Variants in AGBL3 observed in about 807,000 individuals in gnomAD.
The protein encoded by AGBL3 is cytosolic carboxypeptidase 3.
In AGBL3, 68 loss-of-function variants were observed where a neutral mutation model predicts 94.5. That is an observed-to-expected ratio of 0.72 (90% CI 0.59 to 0.88). The LOEUF is 0.88. AGBL3 is among the 40% of genes least tolerant of loss of function. The pLI is 0.00. For synonymous variants in AGBL3, 354 were observed against 370.7 expected (o/e 0.95, Z 0.52); for missense variants, 934 against 1,103.8 (o/e 0.85, Z 2.18).
rs531981981 is a variant in AGBL3, at chr7:135,070,718, A to T, written c.1909-5679A>T. ...TCTCAATAAATTAGGTATTGATGGG[A>T]CGTATCTCAAAATAATAAGAGCTAT... On this transcript the variant is annotated intron_variant, in intron 12 of 16. Coordinates refer to ENST00000436302, the MANE Select transcript of AGBL3 (RefSeq NM_178563.4). Among the ~76,000 whole-genome samples, 916 of 152,140 alleles carry T rather than the reference A, an allele frequency of 6.0e-3. 14 individuals carry two copies. The highest frequency in any genetic ancestry group is 0.037 in the Admixed American group (569 of 15,282).
intron 16 of AGBL3, chr7:135,129,217 C>G: frequency 6.9e-7 from 1 of 1,446,724 alleles, no homozygotes; most frequent in Admixed American, 1.7e-5. Context: ...TGCCAGCTGC[C>G]TGTGATGCAG....
Position 135,076,421 on chromosome 7 carries a change from G to C in AGBL3, c.1933G>C (p.Glu645Gln), listed in dbSNP as rs766423154. The C allele has an allele frequency of 1.9e-6, 3 of 1,548,326 alleles. No homozygotes were observed. The highest frequency in any genetic ancestry group is 2.7e-5 in the African/African-American group (2 of 72,944). ...SQKKHLKTKK[E>Q]RNSTIASHQN... ...GAAAAAACATTTGAAAACAAAGAAGGAAAGGAATTCTACCATAGCAAGCCA... is the reference window on the plus strand; with the variant it reads ...GAAAAAACATTTGAAAACAAAGAAGCAAAGGAATTCTACCATAGCAAGCCA... The change falls in exon 13 of 17, where the codon GAA becomes CAA. Residue 645 changes from glutamate to glutamine, a missense_variant. By Grantham distance (29) the Glu-to-Gln change is conservative. Around this residue, in one of 3 missense-constraint regions of AGBL3, gnomAD observed 441 missense variants for 518.2 expected, o/e 0.85. Coordinates refer to ENST00000436302, the MANE Select transcript of AGBL3 (RefSeq NM_178563.4).
intron 12 of AGBL3, among the ~76,000 whole-genome samples, chr7:135,074,346 A>G (rs1360398181): frequency 6.6e-6 from 1 of 152,220 alleles, no homozygotes. Flanking sequence ...GGGTTATTTG[A>G]CAAACCCTCA....
Position 135,067,588 on chromosome 7 carries a change from C to A in AGBL3, c.1908+8353C>A, listed in dbSNP as rs13244938. 2.0e-5 allele frequency among the ~76,000 whole-genome samples: 3 copies of A among 152,164 alleles called. No individual in the cohort carries two copies. In the East Asian group the frequency reaches 5.8e-4, roughly 29 times the overall value. On this transcript the variant is annotated intron_variant, in intron 12 of 16. Transcript: ENST00000436302. Reference sequence around the variant, plus strand: ...GCAGCATTTGCTGTTCACCAATATCCGCTGTTCTGCAGCCTCCGCTGCTGA... The same window carrying A: ...GCAGCATTTGCTGTTCACCAATATCAGCTGTTCTGCAGCCTCCGCTGCTGA...
At chr7:135,074,578 C>T (rs1401349553) in intron 12 of AGBL3, among the ~76,000 whole-genome samples, 1 of 152,158 alleles carries the variant, frequency 6.6e-6, no homozygotes, top group Non-Finnish European at 1.5e-5. Flanking sequence ...CTCCCTTTCC[C>T]TCCATTTGCC....
intron 9 of AGBL3, 137 bp downstream of exon 9, chr7:135,044,288 AG>A (rs1817144495): frequency 1.1e-6 from 1 of 879,778 alleles, no homozygotes; most frequent in East Asian, 3.5e-5. Context: ...TTCTATAAAC[AG>A]GATGAATAAA....
chr7:135,111,792 T>C (rs1825678717), intron 15 of AGBL3, among the ~76,000 whole-genome samples: 1 of 152,174 alleles, frequency 6.6e-6, no homozygotes, highest in Non-Finnish European at 1.5e-5. Context: ...CTTTGGTCTT[T>C]CTCACCACAT....
chr7:135,099,472 T>C (rs1823432458), intron 15 of AGBL3, among the ~76,000 whole-genome samples: 1 of 152,194 alleles, frequency 6.6e-6, no homozygotes, highest in Non-Finnish European at 1.5e-5. Flanking sequence ...AATTAAGTTT[T>C]ATTGATTTTT....
chr7:135,040,397 G>A (rs1030692582), intron 8 of AGBL3, among the ~76,000 whole-genome samples: 2 of 152,022 alleles, frequency 1.3e-5, no homozygotes, highest in African/African-American at 4.8e-5. Flanking sequence ...ATTAAATCCA[G>A]CAATATATAA....
chr7:135,101,822 A>G (rs572846685), intron 15 of AGBL3, among the ~76,000 whole-genome samples: 3 of 152,186 alleles, frequency 2.0e-5, no homozygotes, highest in East Asian at 1.9e-4. Context: ...CTCATCTTCA[A>G]TTATAGCTCC....
chr7:135,028,527 A>T (rs147466616), intron 5 of AGBL3, among the ~76,000 whole-genome samples: 290 of 152,350 alleles, frequency 1.9e-3, no homozygotes, highest in Non-Finnish European at 2.9e-3. Context: ...CAATTCAGTC[A>T]CATCTTTAGG....
rs552993927 is a variant in AGBL3, at chr7:135,041,554, A to G, written c.1501-2471A>G. Among the ~76,000 whole-genome samples, 5 of 152,270 alleles carry G rather than the reference A, an allele frequency of 3.3e-5. No individual in the cohort carries two copies. The South Asian group carries it at 1.0e-3, about 32-fold the overall frequency. ...CGGAACAATTGAACATCCATCTAAA[A>G]AACAAAAAACTTTCACCTAACCCTC... On this transcript the variant is annotated intron_variant, in intron 8 of 16. Transcript: ENST00000436302.
rs1020103328 is a variant in AGBL3 at position 135,061,362 on chromosome 7, T to C, written c.1908+2127T>C. On this transcript the variant is annotated intron_variant, in intron 12 of 16. Coordinates refer to ENST00000436302, the MANE Select transcript of AGBL3 (RefSeq NM_178563.4). ...TCTCATCATTCTGTTGATTGTTTCA[T>C]TGGCTGTACAAAGGCTTTTTAGTTT... 8.5e-5 allele frequency among the ~76,000 whole-genome samples: 13 copies of C among 152,148 alleles called. 1 individual carries two copies. The highest frequency in any genetic ancestry group is 3.2e-3 in the Middle Eastern group (1 of 316).
chr7:135,116,991 G>T (rs1826411962), intron 16 of AGBL3, among the ~76,000 whole-genome samples: 2 of 152,148 alleles, frequency 1.3e-5, no homozygotes, highest in Non-Finnish European at 2.9e-5. Flanking sequence ...CCATTGTGTT[G>T]TTCCTTTGTT....
chr7:135,066,857 G>T (rs1026116836), intron 12 of AGBL3, among the ~76,000 whole-genome samples: 1 of 152,210 alleles, frequency 6.6e-6, no homozygotes, highest in African/African-American at 2.4e-5. Flanking sequence ...GAGGTACAGG[G>T]TTCATCTCAA....
At chr7:135,060,327 G>A (rs1161014013) in intron 12 of AGBL3, among the ~76,000 whole-genome samples, 1 of 151,998 alleles carries the variant, frequency 6.6e-6, no homozygotes, top group African/African-American at 2.4e-5. Flanking sequence ...TTTGAAATAT[G>A]TACACATTGT....
intron 15 of AGBL3, among the ~76,000 whole-genome samples, chr7:135,092,147 A>T (rs1821942479): frequency 6.6e-6 from 1 of 151,844 alleles, no homozygotes; most frequent in South Asian, 2.1e-4. Flanking sequence ...ACTCATTCAG[A>T]GCCTTATGAT....
At chr7:135,001,966 G>C (rs1811772676) in intron 4 of AGBL3, among the ~76,000 whole-genome samples, 1 of 152,152 alleles carries the variant, frequency 6.6e-6, no homozygotes, top group Admixed American at 6.5e-5. Context: ...TCTAGTAACT[G>C]ATTGCAACAC....
chr7:134,997,796 C>T (rs1253577882), intron 4 of AGBL3, among the ~76,000 whole-genome samples: 1 of 152,180 alleles, frequency 6.6e-6, no homozygotes, highest in Non-Finnish European at 1.5e-5. Context: ...GTTTGGACAA[C>T]CAAGGCCTGC....
Sources: allele counts gnomAD v4.1 joint callset (sites outside exome capture counted in the v4.1 genomes callset), GRCh38; gene constraint gnomAD v4.1.1; regional missense constraint gnomAD v4.1.1; transcripts MANE v1.5; gene names NCBI Gene and HGNC (gene_info 2026-07-23, HGNC 2026-07-21).